Variants in RNF182 observed in about 807,000 individuals in gnomAD.
RNF182 encodes E3 ubiquitin-protein ligase RNF182.
RNF182 carries 15 observed loss-of-function variants against 14.4 expected under a neutral mutation model. The observed-to-expected ratio is 1.04, with a 90% CI of 0.70 to 1.60. The LOEUF is 1.60. Ranked by LOEUF, RNF182 falls within the 40% of genes most tolerant of loss-of-function variation. RNF182 has a pLI of 0.00. For missense variants in RNF182, 268 were observed against 294.8 expected (o/e 0.91, Z 0.67); for synonymous variants, 128 against 122.9 (o/e 1.04, Z -0.27).
chr6:13,972,553 ACCTAGGG>A (rs986163756), intron 1 of RNF182, among the ~76,000 whole-genome samples: 1 of 152,104 alleles, frequency 6.6e-6, no homozygotes, highest in Non-Finnish European at 1.5e-5. Flanking sequence ...TGTGGGCCGG[ACCTAGGG>A]CCTTGCTGCT....
At chr6:13,953,167 A>G (rs115480967) in intron 1 of RNF182, among the ~76,000 whole-genome samples, 47 of 152,310 alleles carry the variant, frequency 3.1e-4, no homozygotes, top group Non-Finnish European at 5.3e-4. Flanking sequence ...TCCTGTGACT[A>G]AGAAAGCCTA....
chr6:13,932,959 T>C (rs986423677), intron 1 of RNF182, among the ~76,000 whole-genome samples: 20 of 152,250 alleles, frequency 1.3e-4, no homozygotes, highest in East Asian at 9.6e-4. Flanking sequence ...AGGTGAACTT[T>C]AGTTATCTTA....
Position 13,934,206 on chromosome 6 carries a change from A to G in RNF182, c.-367+9183A>G, listed in dbSNP as rs1303502786. On this transcript the variant is annotated intron_variant, in intron 1 of 2. Coordinates refer to ENST00000488300, the MANE Select transcript of RNF182 (RefSeq NM_152737.4). ...AAGTGCTCAATAGCCAAACATGACTAGTGGCTGCCATGTTGAATAGTGTAG... is the reference window on the plus strand; with the variant it reads ...AAGTGCTCAATAGCCAAACATGACTGGTGGCTGCCATGTTGAATAGTGTAG... Among the ~76,000 whole-genome samples, 2 of 152,166 alleles carry G rather than the reference A, an allele frequency of 1.3e-5. 1 individual carries two copies. The highest frequency in any genetic ancestry group is 4.1e-4 in the South Asian group (2 of 4,828).
At chr6:13,963,352 T>G (rs1469924655) in intron 1 of RNF182, among the ~76,000 whole-genome samples, 1 of 152,204 alleles carries the variant, frequency 6.6e-6, no homozygotes, top group Non-Finnish European at 1.5e-5. Context: ...GGCTTTGGAT[T>G]AATTTGGAAA....
chr6:13,944,099 G>T (rs1302112896), intron 1 of RNF182, among the ~76,000 whole-genome samples: 1 of 152,080 alleles, frequency 6.6e-6, no homozygotes, highest in Admixed American at 6.6e-5. Flanking sequence ...GTATCTCTCT[G>T]GATGTTTACA....
At chr6:13,970,777 T>A (rs1760154674) in intron 1 of RNF182, among the ~76,000 whole-genome samples, 1 of 152,134 alleles carries the variant, frequency 6.6e-6, no homozygotes, top group African/African-American at 2.4e-5. Context: ...GTGAAAAAAA[T>A]TAATGGACTT....
At chr6:13,937,676 G>C (rs1226511023) in intron 1 of RNF182, among the ~76,000 whole-genome samples, 1 of 152,176 alleles carries the variant, frequency 6.6e-6, no homozygotes, top group African/African-American at 2.4e-5. Context: ...CATCTGTGTA[G>C]AAGTAGAAAG....
intron 1 of RNF182, among the ~76,000 whole-genome samples, chr6:13,927,629 T>C (rs1758861937): frequency 6.6e-6 from 1 of 152,248 alleles, no homozygotes; most frequent in South Asian, 2.1e-4. Context: ...AGGATTAACA[T>C]TATGTTTGTG....
chr6:13,961,023 A>G (rs761785138), intron 1 of RNF182, among the ~76,000 whole-genome samples: 1 of 152,208 alleles, frequency 6.6e-6, no homozygotes, highest in Non-Finnish European at 1.5e-5. Flanking sequence ...GTAAGGTACT[A>G]AGCAAAAACC....
At chr6:13,964,352 A>ATCT (rs1248704002) in intron 1 of RNF182, among the ~76,000 whole-genome samples, 1 of 152,194 alleles carries the variant, frequency 6.6e-6, no homozygotes, top group African/African-American at 2.4e-5. Flanking sequence ...TTTGGTACAT[A>ATCT]TCTTTATGTA....
chr6:13,956,920 C>G (rs1203414622), intron 1 of RNF182, among the ~76,000 whole-genome samples: 1 of 152,154 alleles, frequency 6.6e-6, no homozygotes, highest in African/African-American at 2.4e-5. Context: ...CCCCGCCCCC[C>G]ACCATACACA....
At chr6:13,963,363 G>A (rs1200712856) in intron 1 of RNF182, among the ~76,000 whole-genome samples, 4 of 152,182 alleles carry the variant, frequency 2.6e-5, no homozygotes, top group South Asian at 4.1e-4. Context: ...AATTTGGAAA[G>A]AAATAGCATG....
intron 1 of RNF182, among the ~76,000 whole-genome samples, chr6:13,927,601 A>T (rs1758861380): frequency 6.6e-6 from 1 of 152,242 alleles, no homozygotes; most frequent in Admixed American, 6.5e-5. Context: ...AAAAGCCACA[A>T]ATGTTCCTGT....
intron 1 of RNF182, among the ~76,000 whole-genome samples, chr6:13,936,956 A>G (rs1412196552): frequency 6.6e-6 from 1 of 152,098 alleles, no homozygotes; most frequent in Non-Finnish European, 1.5e-5. Flanking sequence ...CGAGGAGGAG[A>G]AAGGAGTAAG....
chr6:13,966,873 G>C (rs1048619485), intron 1 of RNF182, among the ~76,000 whole-genome samples: 5 of 149,346 alleles, frequency 3.3e-5, no homozygotes, highest in Admixed American at 1.4e-4. Context: ...TGCTCTCTCT[G>C]TTGCCCAGGC....
At chr6:13,970,831 G>A (rs1044032960) in intron 1 of RNF182, among the ~76,000 whole-genome samples, 18 of 152,136 alleles carry the variant, frequency 1.2e-4, no homozygotes, top group Non-Finnish European at 2.2e-4. Context: ...CAAAATACGC[G>A]TTGGCAGAAA....
intron 1 of RNF182, among the ~76,000 whole-genome samples, chr6:13,943,674 G>A (rs1055865059): frequency 6.6e-6 from 1 of 152,174 alleles, no homozygotes; most frequent in African/African-American, 2.4e-5. Context: ...AACATGGGAA[G>A]TATTCAACAA....
At chr6:13,941,775 C>T (rs1413912036) in intron 1 of RNF182, among the ~76,000 whole-genome samples, 1 of 151,908 alleles carries the variant, frequency 6.6e-6, no homozygotes, top group African/African-American at 2.4e-5. Context: ...TATTTTAATC[C>T]TTCCGTGATG....
chr6:13,946,506 A>C (rs1463490942), intron 1 of RNF182, among the ~76,000 whole-genome samples: 1 of 152,154 alleles, frequency 6.6e-6, no homozygotes, highest in Non-Finnish European at 1.5e-5. Context: ...TGTTCATAAG[A>C]TATCAGGACA....
Sources: gnomAD v4.1 joint callset for allele counts (sites outside exome capture counted in the v4.1 genomes callset) on GRCh38, gnomAD v4.1.1 for gene constraint, MANE v1.5 for transcripts, NCBI Gene and HGNC (gene_info 2026-07-23, HGNC 2026-07-21) for gene names.